CLVS1: variants seen among roughly 807,000 people sequenced by gnomAD.
CLVS1 encodes the protein clavesin 1.
In CLVS1, 10 loss-of-function variants were observed where a neutral mutation model predicts 33.1. The observed-to-expected ratio is 0.30, with a 90% CI of 0.19 to 0.51. The LOEUF is 0.51. Ranked by LOEUF, CLVS1 falls within the 20% of genes least tolerant of loss-of-function variation. CLVS1 has a pLI of 0.97. For missense variants in CLVS1, 343 were observed against 433.4 expected, an observed-to-expected ratio of 0.79 and a Z score of 1.85; for synonymous variants, 163 against 166.1, an observed-to-expected ratio of 0.98 and a Z score of 0.14.
At chr8:61,047,079 G>A in the CLVS1 span, among the ~76,000 whole-genome samples, 1 of 152,096 alleles carries the variant, frequency 6.6e-6, no homozygotes, top group African/African-American at 2.4e-5. Flanking sequence ...GTTTTCAAAG[G>A]GAATGCTTCC....
intron 1 of CLVS1, among the ~76,000 whole-genome samples, chr8:61,108,708 T>C (rs1805580094): frequency 1.3e-5 from 2 of 152,232 alleles, no homozygotes; most frequent in Admixed American, 6.5e-5. Flanking sequence ...AGTTACAAAC[T>C]TCTCACTCAA....
intron 2 of CLVS1, among the ~76,000 whole-genome samples, chr8:61,232,822 GCAACAGTA>G (rs1320985221): frequency 6.6e-6 from 1 of 152,068 alleles, no homozygotes; most frequent in Non-Finnish European, 1.5e-5. Flanking sequence ...TGGACAAACG[GCAACAGTA>G]TTACTCATGC....
At chr8:61,276,913 G>A (rs1028764706) in intron 2 of CLVS1, among the ~76,000 whole-genome samples, 13 of 152,200 alleles carry the variant, frequency 8.5e-5, no homozygotes, top group Non-Finnish European at 1.6e-4. Flanking sequence ...AAATAGATCC[G>A]AGCACAGTGG....
intron 2 of CLVS1, among the ~76,000 whole-genome samples, chr8:61,310,861 C>G (rs1465907836): frequency 6.6e-6 from 1 of 152,200 alleles, no homozygotes; most frequent in Non-Finnish European, 1.5e-5. Context: ...AATGAGTGTT[C>G]ATATAGAGAC....
intron 2 of CLVS1, among the ~76,000 whole-genome samples, chr8:61,315,793 A>ATGTG (rs1810989082): frequency 6.6e-6 from 1 of 152,104 alleles, no homozygotes; most frequent in Non-Finnish European, 1.5e-5. Flanking sequence ...GGTTTGTTAC[A>ATGTG]TAGGTATATA....
rs144787291 is a variant in CLVS1 at position 61,363,231 on chromosome 8, C to A, written c.456-13374C>A. Among the ~76,000 whole-genome samples the A allele has an allele frequency of 3.1e-3, 472 of 152,280 alleles. 3 individuals carry two copies. The highest frequency in any genetic ancestry group is 0.011 in the African/African-American group (458 of 41,572). On this transcript the variant is annotated intron_variant, in intron 2 of 5. Transcript: ENST00000325897. ...TATAGGCACTGACATCCTTCTCCAG[C>A]AAAATCCTAAATCCTAAAATGTATT...
chr8:61,200,479 T>C (rs974875495), intron 2 of CLVS1, among the ~76,000 whole-genome samples: 6 of 152,250 alleles, frequency 3.9e-5, no homozygotes. Context: ...GTGGTATCTG[T>C]ATATGTACTC....
intron 3 of CLVS1, among the ~76,000 whole-genome samples, chr8:61,423,602 G>A (rs1023201369): frequency 2.0e-5 from 3 of 152,078 alleles, no homozygotes; most frequent in African/African-American, 2.4e-5. Context: ...AATGAAGAGC[G>A]CCCTAAATCT....
At chr8:61,294,675 C>T (rs1810126381) in intron 1 of CLVS1, among the ~76,000 whole-genome samples, 1 of 152,126 alleles carries the variant, frequency 6.6e-6, no homozygotes, top group South Asian at 2.1e-4. Context: ...ACTACGTACA[C>T]ACATACATAT....
chr8:61,155,249 C>T (rs1242949781), intron 2 of CLVS1, among the ~76,000 whole-genome samples: 1 of 152,216 alleles, frequency 6.6e-6, no homozygotes, highest in Non-Finnish European at 1.5e-5. Flanking sequence ...TCTACATTGT[C>T]TTGATTACTT....
chr8:61,096,375 T>G (rs895319417), intron 1 of CLVS1, among the ~76,000 whole-genome samples: 19 of 152,260 alleles, frequency 1.2e-4, no homozygotes, highest in Admixed American at 7.8e-4. Flanking sequence ...TTACTGCTTT[T>G]CTTTCCTACC....
At chr8:61,287,867 T>C (rs1809825431), upstream of CLVS1, 3 of 339,086 alleles carry the variant, frequency 8.8e-6, no homozygotes, top group Admixed American at 1.3e-4. Flanking sequence ...CAAATAATTA[T>C]TGGTACGTCT....
chr8:61,084,264 T>C (rs1014034953), intron 1 of CLVS1, among the ~76,000 whole-genome samples: 2 of 152,194 alleles, frequency 1.3e-5, no homozygotes, highest in Non-Finnish European at 2.9e-5. Context: ...TGGAGAACCA[T>C]TTAGTCACAG....
intron 2 of CLVS1, among the ~76,000 whole-genome samples, chr8:61,358,734 A>T (rs150049351): frequency 5.6e-4 from 86 of 152,346 alleles, no homozygotes; most frequent in Middle Eastern, 6.8e-3. Flanking sequence ...GAGCAATAGA[A>T]TGTTAGAATA....
At chr8:61,004,855 G>C in the CLVS1 span, among the ~76,000 whole-genome samples, 7 of 152,170 alleles carry the variant, frequency 4.6e-5, no homozygotes, top group African/African-American at 1.7e-4. Flanking sequence ...AAGGACATCA[G>C]AAAGCTGCCT....
intron 2 of CLVS1, among the ~76,000 whole-genome samples, chr8:61,157,595 G>A (rs552324238): frequency 3.0e-4 from 46 of 151,536 alleles, no homozygotes; most frequent in Non-Finnish European, 5.3e-4. Context: ...TTAATAAAAA[G>A]CATCAAGAAA....
At chr8:61,489,930 ATACTT>A (rs1274987253) in intron 5 of CLVS1, among the ~76,000 whole-genome samples, 25 of 152,348 alleles carry the variant, frequency 1.6e-4, no homozygotes, top group African/African-American at 6.0e-4. Context: ...TAGCAATACA[ATACTT>A]TAAAGAAACT....
At chr8:61,357,992 G>T (rs995636456) in intron 2 of CLVS1, among the ~76,000 whole-genome samples, 1 of 152,158 alleles carries the variant, frequency 6.6e-6, no homozygotes, top group Admixed American at 6.5e-5. Context: ...TTTATTAGCT[G>T]TGTCCTCTCA....
chr8:61,210,812 A>G (rs952961851), intron 2 of CLVS1, among the ~76,000 whole-genome samples: 1 of 152,194 alleles, frequency 6.6e-6, no homozygotes, highest in Non-Finnish European at 1.5e-5. Context: ...CTAGGACTGG[A>G]TGTATAGATT....
Sources: gnomAD v4.1 joint callset for allele counts (sites outside exome capture counted in the v4.1 genomes callset) on GRCh38, gnomAD v4.1.1 for gene constraint, MANE v1.5 for transcripts, NCBI Gene and HGNC (gene_info 2026-07-23, HGNC 2026-07-21) for gene names.